The following AP3B1 variants were observed in gnomAD, a reference collection of about 807,000 sequenced individuals.
The protein encoded by AP3B1 is AP-3 complex subunit beta-1.
Under a neutral mutation model 132.5 loss-of-function variants are expected in AP3B1, and 61 were observed. The observed-to-expected ratio is 0.46, with a 90% CI of 0.37 to 0.57. AP3B1 has a LOEUF of 0.57. Among genes scored for constraint, AP3B1 ranks in the 20% least tolerant of loss-of-function variants. The probability of loss-of-function intolerance (pLI) is 0.00; values close to 1 mark genes in which losing one functional copy is unlikely to be tolerated. For missense variants in AP3B1, 1,120 were observed against 1,289.4 expected, an observed-to-expected ratio of 0.87 and a Z score of 2.01; for synonymous variants, 388 against 438.3, an observed-to-expected ratio of 0.89 and a Z score of 1.43.
At chr5:78,068,104 T>C (rs533859337) in intron 22 of AP3B1, among the ~76,000 whole-genome samples, 1 of 152,096 alleles carries the variant, frequency 6.6e-6, no homozygotes, top group South Asian at 2.1e-4. Flanking sequence ...GTGGGCAGAT[T>C]ACCTGACGTC....
At chr5:78,055,876 T>A (rs1230422438) in intron 22 of AP3B1, among the ~76,000 whole-genome samples, 2 of 152,214 alleles carry the variant, frequency 1.3e-5, no homozygotes, top group Non-Finnish European at 2.9e-5. Context: ...AAACTGCATG[T>A]CTGAAAGTGG....
chr5:78,117,146 G>A (rs1255410426), intron 17 of AP3B1, among the ~76,000 whole-genome samples: 1 of 146,190 alleles, frequency 6.8e-6, no homozygotes, highest in Non-Finnish European at 1.5e-5. Context: ...CTAGCTCTTG[G>A]CACTTCCAAC....
chr5:78,102,346 T>TA (rs1465287803), intron 20 of AP3B1, among the ~76,000 whole-genome samples: 16 of 152,232 alleles, frequency 1.1e-4, no homozygotes, highest in African/African-American at 3.6e-4. Context: ...AAGGACCACA[T>TA]AATAATATAC....
At chr5:78,228,298 C>T in intron 3 of AP3B1, 59 bp from the exon 4 acceptor site, 1 of 1,207,118 alleles carries the variant, frequency 8.3e-7, no homozygotes, top group Non-Finnish European at 1.2e-6. Context: ...TCAGTATTTG[C>T]TATACCAAAA....
rs1302357220 is a variant in AP3B1, at chr5:78,239,472, GAAAA to G, written c.279+1386_279+1389del. 2.8e-4 allele frequency among the ~76,000 whole-genome samples: 11 copies of G among 39,522 alleles called. No individual in the cohort carries two copies. The South Asian group carries it at 3.0e-3, about 11-fold the overall frequency. The allele number at this position is 39,522 out of a possible 152,430, so 25.9% of individuals were successfully genotyped here. ...GGAGATAGAGAGGAACCCTGTCTCA[GAAAA>G]AAAAAAAAAAAAAAAAGCCAGGCAC... On this transcript the variant is annotated intron_variant, in intron 3 of 26. Coordinates refer to ENST00000255194, the MANE Select transcript of AP3B1 (RefSeq NM_003664.5).
At chr5:78,294,339 T>A in intron 1 of AP3B1, 113 bp downstream of exon 1, 2 of 1,518,190 alleles carry the variant, frequency 1.3e-6, no homozygotes, top group South Asian at 2.3e-5. Flanking sequence ...CGCCCTGCCC[T>A]GCTCAGACCT....
intron 22 of AP3B1, among the ~76,000 whole-genome samples, chr5:78,062,804 A>G (rs529151849): frequency 6.6e-6 from 1 of 152,290 alleles, no homozygotes; most frequent in Admixed American, 6.5e-5. Context: ...AGGTCTGCAG[A>G]GTCATAATTA....
At chr5:78,018,700 A>ACACACACACC (rs1037050101) in intron 25 of AP3B1, among the ~76,000 whole-genome samples, 1 of 148,610 alleles carries the variant, frequency 6.7e-6, no homozygotes, top group African/African-American at 2.4e-5. Context: ...ACACACACAC[A>ACACACACACC]CCCCTTAAAT....
intron 11 of AP3B1, 86 bp downstream of exon 11, chr5:78,175,540 C>T: frequency 2.0e-6 from 2 of 985,008 alleles, no homozygotes; most frequent in East Asian, 2.6e-5. Flanking sequence ...AAAAGCAGGA[C>T]TGCATCCCAC....
chr5:78,288,298 T>A (rs1341774079), intron 1 of AP3B1, among the ~76,000 whole-genome samples: 2 of 152,204 alleles, frequency 1.3e-5, no homozygotes, highest in African/African-American at 4.8e-5. Flanking sequence ...CCAAATAAAG[T>A]CTGAGTTTCT....
At chr5:78,025,003 T>C (rs1747280055) in intron 24 of AP3B1, among the ~76,000 whole-genome samples, 1 of 152,066 alleles carries the variant, frequency 6.6e-6, no homozygotes, top group Non-Finnish European at 1.5e-5. Flanking sequence ...CTGGCCTCTA[T>C]TTTTGTATGT....
At chr5:78,129,336 A>G in intron 15 of AP3B1, 29 bp from the exon 16 acceptor site, 1 of 1,521,804 alleles carries the variant, frequency 6.6e-7, no homozygotes, top group East Asian at 2.3e-5. Flanking sequence ...TCAAGATGAG[A>G]ATACAGTTAT....
intron 1 of AP3B1, among the ~76,000 whole-genome samples, chr5:78,273,718 T>C (rs1458641460): frequency 6.6e-6 from 1 of 152,120 alleles, no homozygotes; most frequent in African/African-American, 2.4e-5. Flanking sequence ...GTGAATGCCC[T>C]GGACTTTCCA....
At chr5:78,129,359 A>G (rs1172174482) in intron 15 of AP3B1, 52 bp from the exon 16 acceptor site, 2 of 1,376,788 alleles carry the variant, frequency 1.5e-6, no homozygotes, top group Non-Finnish European at 2.1e-6. Context: ...ATGATTATCG[A>G]TAACTCTGGA....
At chr5:78,150,776 T>TTTA (rs1753612225) in intron 14 of AP3B1, among the ~76,000 whole-genome samples, 1 of 150,604 alleles carries the variant, frequency 6.6e-6, no homozygotes, top group African/African-American at 2.4e-5. Flanking sequence ...TATTTATTTA[T>TTTA]TTTTTTTTTA....
rs148389443 is a variant in AP3B1, at chr5:78,262,042, T to C, written c.204+5478A>G. Among the ~76,000 whole-genome samples, 718 of 152,338 alleles carry C rather than the reference T, an allele frequency of 4.7e-3. 5 individuals carry two copies. Among genetic ancestry groups the C allele is most frequent in the East Asian group, 0.015 (78 of 5,186 alleles). On this transcript the variant is annotated intron_variant, in intron 2 of 26. Transcript: ENST00000255194. ...CCTCGACCTCCCAAAGTGCTGGGAT[T>C]ACAGGCGTGAGCCACCACACCCAGC...
intron 24 of AP3B1, among the ~76,000 whole-genome samples, chr5:78,033,763 T>C (rs1361318086): frequency 6.6e-6 from 1 of 151,892 alleles, no homozygotes; most frequent in Non-Finnish European, 1.5e-5. Flanking sequence ...TAGAAAAACA[T>C]TAACAACAAA....
chr5:78,219,945 A>T (rs1268068983), intron 6 of AP3B1, among the ~76,000 whole-genome samples: 1 of 152,156 alleles, frequency 6.6e-6, no homozygotes, highest in Non-Finnish European at 1.5e-5. Context: ...GGCAACAAAT[A>T]AATTCCTTTT....
At chr5:78,292,364 G>A (rs1009439244) in intron 1 of AP3B1, among the ~76,000 whole-genome samples, 3 of 152,136 alleles carry the variant, frequency 2.0e-5, no homozygotes, top group African/African-American at 7.2e-5. Context: ...AGCTTCTCTG[G>A]TGGTACTACT....
Sources: allele counts gnomAD v4.1 joint callset (sites outside exome capture counted in the v4.1 genomes callset), GRCh38; gene constraint gnomAD v4.1.1; transcripts MANE v1.5; gene names NCBI Gene and HGNC (gene_info 2026-07-23, HGNC 2026-07-21).